PUDP: variants seen among roughly 807,000 people sequenced by gnomAD.
The protein encoded by PUDP is pseudouridine 5'-phosphatase, also known as pseudouridine-5'-phosphatase.
In PUDP, 8 loss-of-function variants were observed where a neutral mutation model predicts 9.4. That is an observed-to-expected ratio of 0.85 (90% CI 0.50 to 1.53). The LOEUF (loss-of-function observed/expected upper bound fraction) is 1.53. Among genes scored for constraint, PUDP ranks in the 40% most tolerant of loss-of-function variants. The pLI is 0.00. For missense variants in PUDP, 188 were observed against 189.7 expected (o/e 0.99, Z 0.05); for synonymous variants, 99 against 80.7 (o/e 1.23, Z -1.22).
At chrX:7,028,097 G>A (rs1234925855) in intron 1 of PUDP, among the ~76,000 whole-genome samples, 1 of 105,785 alleles carries the variant, frequency 9.5e-6, no homozygotes, top group Non-Finnish European at 1.9e-5. Flanking sequence ...TTGATATATA[G>A]TCTAGTACAG....
chrX:7,075,883 G>A (rs1930880592), intron 3 of PUDP, among the ~76,000 whole-genome samples: 1 of 111,746 alleles, frequency 8.9e-6, no homozygotes, highest in Non-Finnish European at 1.9e-5. Context: ...TAGACCTGAA[G>A]AGAGGATTGC....
At chrX:6,810,081 C>G (rs757026942) in intron 3 of PUDP, among the ~76,000 whole-genome samples, 1 of 73,791 alleles carries the variant, frequency 1.4e-5, no homozygotes, top group Non-Finnish European at 2.3e-5. Flanking sequence ...GTCTCAAAAA[C>G]GAAAACCAAA....
chrX:6,841,316 G>C lies in PUDP; in HGVS notation c.*248-134850C>G, dbSNP rs145501154. Among the ~76,000 whole-genome samples the C allele has an allele frequency of 7.3e-4, 80 of 110,070 alleles. No individual in the cohort carries two copies. In the East Asian group the frequency reaches 0.022, roughly 30 times the overall value. ...CATTTGAATAAAATATTTTGGCCAG[G>C]TGTGCTGGCTCATGCTTATAATCCC... On this transcript the variant is annotated intron_variant and NMD_transcript_variant, in intron 3 of 3. Transcript: ENST00000655425.
chrX:7,062,364 A>G (rs1930427889), intron 3 of PUDP, among the ~76,000 whole-genome samples: 2 of 111,597 alleles, frequency 1.8e-5, no homozygotes, highest in African/African-American at 6.5e-5. Context: ...TGGAAGGTGG[A>G]TTTGAAGGAG....
chrX:6,847,125 TTAAA>T (rs901372260), intron 3 of PUDP, among the ~76,000 whole-genome samples: 1 of 111,821 alleles, frequency 8.9e-6, no homozygotes, highest in South Asian at 3.7e-4. Flanking sequence ...AAGGCATTAT[TTAAA>T]TAGGATATAA....
chrX:6,907,530 A>G (rs945572052), intron 3 of PUDP, among the ~76,000 whole-genome samples: 2 of 111,826 alleles, frequency 1.8e-5, no homozygotes, highest in African/African-American at 3.3e-5. Context: ...TGCTACATAC[A>G]CATTTAATGT....
At chrX:6,828,502 C>T (rs1602636697) in intron 3 of PUDP, among the ~76,000 whole-genome samples, 1 of 111,719 alleles carries the variant, frequency 9.0e-6, no homozygotes, top group East Asian at 2.8e-4. Context: ...TCAACATCCT[C>T]CAGCACAGTA....
At chrX:7,118,029 T>C (rs1232746033) in intron 1 of PUDP, among the ~76,000 whole-genome samples, 1 of 113,172 alleles carries the variant, frequency 8.8e-6, no homozygotes, top group African/African-American at 3.2e-5. Context: ...TCTTACAAAT[T>C]ACGTGGACTC....
intron 1 of PUDP, among the ~76,000 whole-genome samples, chrX:7,141,446 C>A (rs1932794658): frequency 8.8e-6 from 1 of 113,066 alleles, no homozygotes; most frequent in South Asian, 3.6e-4. Context: ...TAACTCTCTT[C>A]ACTTCTATGG....
At chrX:6,906,340 A>T (rs775613180) in intron 3 of PUDP, among the ~76,000 whole-genome samples, 1 of 112,341 alleles carries the variant, frequency 8.9e-6, no homozygotes, top group East Asian at 2.8e-4. Context: ...CTCTAGGGAC[A>T]GTGAGTTGCA....
At position 7,050,202 on chromosome X, in the gene PUDP, G is replaced by A. The variant is rs922886221; in HGVS notation, c.*94C>T. Reference sequence around the variant, plus strand: ...TCAGGAGGCTAAAATCACAGCGCAGGTTGGGATTGAAGAGTTGCTGATTTC... The same window carrying A: ...TCAGGAGGCTAAAATCACAGCGCAGATTGGGATTGAAGAGTTGCTGATTTC... On this transcript the variant is annotated 3_prime_UTR_variant, in exon 4 of 4. Transcript: ENST00000381077. The A allele has an allele frequency of 3.5e-6, 3 of 866,543 alleles. No individual in the cohort carries two copies. The East Asian group carries it at 1.0e-4, about 29-fold the overall frequency. 71.4% of individuals were successfully genotyped at this position (866,543 alleles called of 1,213,427 possible).
intron 3 of PUDP, among the ~76,000 whole-genome samples, chrX:6,741,828 C>CTT (rs1468773319): frequency 5.8e-5 from 4 of 69,339 alleles, no homozygotes; most frequent in Admixed American, 1.3e-4. Flanking sequence ...CTCTCTCTCT[C>CTT]TCTTTCTTTC....
At chrX:7,146,664 T>C (rs1932866229) in intron 1 of PUDP, among the ~76,000 whole-genome samples, 1 of 110,716 alleles carries the variant, frequency 9.0e-6, no homozygotes, top group Non-Finnish European at 1.9e-5. Context: ...AAGGAAACAC[T>C]GCTAGGGAAT....
intron 3 of PUDP, among the ~76,000 whole-genome samples, chrX:6,767,996 C>T (rs1404354916): frequency 9.0e-6 from 1 of 111,678 alleles, no homozygotes; most frequent in Non-Finnish European, 1.9e-5. Context: ...CAACACCCTT[C>T]TGAACCCATC....
At chrX:6,927,787 G>A (rs922279301) in intron 3 of PUDP, among the ~76,000 whole-genome samples, 8 of 111,432 alleles carry the variant, frequency 7.2e-5, no homozygotes, top group African/African-American at 2.3e-4. Flanking sequence ...AAAGAATGGC[G>A]ACTTGGATCC....
rs775165133 is a variant in PUDP at position 6,714,993 on chromosome X, ATGTG to A, written n.128+6420_128+6423del. Among the ~76,000 whole-genome samples, 247 of 104,910 alleles carry A rather than the reference ATGTG, an allele frequency of 2.4e-3. 1 individual carries two copies. The highest frequency in any genetic ancestry group is 0.02 in the East Asian group (68 of 3,404). 91.1% of individuals were successfully genotyped at this position (104,910 alleles called of 115,157 possible). ...TGTATGTGTGTGTGTATATATATAT[ATGTG>A]TGTGTGTGTGTGTGTGTGTACATAT... On this transcript the variant is annotated intron_variant and non_coding_transcript_variant, in intron 1 of 2. Coordinates refer to the PUDP transcript ENST00000438499.
At chrX:6,851,280 T>A (rs959237323) in intron 3 of PUDP, among the ~76,000 whole-genome samples, 1 of 112,423 alleles carries the variant, frequency 8.9e-6, no homozygotes, top group African/African-American at 3.2e-5. Flanking sequence ...GATGTTAAAA[T>A]TTGTCTGAAG....
chrX:6,922,652 T>C (rs1928043161), intron 3 of PUDP, among the ~76,000 whole-genome samples: 2 of 111,828 alleles, frequency 1.8e-5, no homozygotes. Context: ...CAGCTTACAA[T>C]GTTGACTTCT....
intron 1 of PUDP, among the ~76,000 whole-genome samples, chrX:7,129,179 T>A (rs1300895154): frequency 3.6e-5 from 4 of 112,186 alleles, no homozygotes; most frequent in African/African-American, 1.3e-4. Flanking sequence ...CCACAGCATT[T>A]CATTACCAAC....
Sources: allele counts gnomAD v4.1 joint callset (sites outside exome capture counted in the v4.1 genomes callset), GRCh38; gene constraint gnomAD v4.1.1; transcripts MANE v1.5; gene names NCBI Gene and HGNC (gene_info 2026-07-23, HGNC 2026-07-21).